ARB2A: variants seen among roughly 807,000 people sequenced by gnomAD.
ARB2A encodes the protein ARB2 cotranscriptional regulator A.
the ARB2A span, among the ~76,000 whole-genome samples, chr5:93,621,414 T>C: frequency 6.6e-6 from 1 of 152,158 alleles, no homozygotes; most frequent in East Asian, 1.9e-4. Context: ...CGTCTAGGCG[T>C]CTCCGGCCTC....
chr5:93,932,271 AT>A, the ARB2A span, among the ~76,000 whole-genome samples: 22 of 152,208 alleles, frequency 1.4e-4, no homozygotes, highest in African/African-American at 5.3e-4. Context: ...ACTAAAAAAC[AT>A]TTTTTTCCCT....
the ARB2A span, among the ~76,000 whole-genome samples, chr5:93,885,146 C>A: frequency 6.6e-6 from 1 of 151,526 alleles, no homozygotes; most frequent in Non-Finnish European, 1.5e-5. Flanking sequence ...AAAAGTGATT[C>A]TTTCCATTCC....
chr5:93,880,360 CA>C, the ARB2A span, among the ~76,000 whole-genome samples: 2 of 151,468 alleles, frequency 1.3e-5, no homozygotes, highest in African/African-American at 2.4e-5. Flanking sequence ...GTGATTATGC[CA>C]TGAACTAGAA....
chr5:93,962,512 A>T, the ARB2A span, among the ~76,000 whole-genome samples: 1 of 152,134 alleles, frequency 6.6e-6, no homozygotes, highest in East Asian at 1.9e-4. Flanking sequence ...AAATAGTTTC[A>T]ACTATAAAAC....
At chr5:94,089,147 C>A in the ARB2A span, among the ~76,000 whole-genome samples, 16,392 of 152,188 alleles carry the variant, frequency 0.11, 998 homozygotes, top group Middle Eastern at 0.16. Flanking sequence ...TTGTCTGAAC[C>A]AAACATTTTG....
At chr5:94,100,739 A>G in the ARB2A span, among the ~76,000 whole-genome samples, 1 of 152,338 alleles carries the variant, frequency 6.6e-6, no homozygotes, top group South Asian at 2.1e-4. Flanking sequence ...AGCCATATGC[A>G]GAAGACTGAA....
the ARB2A span, among the ~76,000 whole-genome samples, chr5:93,747,405 C>T: frequency 3.3e-5 from 5 of 151,696 alleles, no homozygotes; most frequent in Admixed American, 3.3e-4. Flanking sequence ...TGTTTTTTTT[C>T]TGAAAAATGA....
At chr5:93,950,300 C>T in the ARB2A span, among the ~76,000 whole-genome samples, 173 of 152,230 alleles carry the variant, frequency 1.1e-3, no homozygotes, top group African/African-American at 3.9e-3. Flanking sequence ...AAACTGTTCT[C>T]CATAGTCATT....
the ARB2A span, among the ~76,000 whole-genome samples, chr5:93,730,360 A>C: frequency 6.6e-6 from 1 of 152,012 alleles, no homozygotes; most frequent in African/African-American, 2.4e-5. Context: ...CTGTATGGGG[A>C]GTCTTTTTTT....
chr5:93,711,809 T>C, the ARB2A span, among the ~76,000 whole-genome samples: 1 of 152,212 alleles, frequency 6.6e-6, no homozygotes, highest in Admixed American at 6.5e-5. Flanking sequence ...TGATTTACAG[T>C]AGAAGGACAG....
At chr5:93,622,651 A>T in the ARB2A span, among the ~76,000 whole-genome samples, 1 of 152,192 alleles carries the variant, frequency 6.6e-6, no homozygotes. Flanking sequence ...GACTGGCCTC[A>T]TGAACTTGAA....
the ARB2A span, among the ~76,000 whole-genome samples, chr5:93,802,444 A>C: frequency 3.3e-5 from 5 of 152,092 alleles, no homozygotes; most frequent in African/African-American, 1.2e-4. Context: ...GCATCTAATA[A>C]AAAGCAAATT....
the ARB2A span, among the ~76,000 whole-genome samples, chr5:93,852,919 G>A: frequency 6.6e-6 from 1 of 152,134 alleles, no homozygotes; most frequent in African/African-American, 2.4e-5. Context: ...TTTGGCTTAG[G>A]ACTGACTTGG....
the ARB2A span, among the ~76,000 whole-genome samples, chr5:94,082,698 A>AT: frequency 1.2e-3 from 176 of 146,734 alleles, 1 homozygote; most frequent in African/African-American, 2.1e-3. Context: ...TTCAGAATAG[A>AT]TTTTTTTTTT....
the ARB2A span, among the ~76,000 whole-genome samples, chr5:93,831,257 C>T: frequency 7.1e-6 from 1 of 140,148 alleles, no homozygotes; most frequent in Non-Finnish European, 1.5e-5. Context: ...GTTGCCAGAT[C>T]AATCTTTTTG....
the ARB2A span, chr5:93,776,275 T>C: frequency 2.3e-5 from 36 of 1,557,008 alleles, no homozygotes; most frequent in Non-Finnish European, 3.0e-5. Context: ...ATTGTTGAAA[T>C]ACAATTTAAG....
the ARB2A span, chr5:93,620,824 C>T: frequency 4.4e-6 from 4 of 899,664 alleles, no homozygotes; most frequent in African/African-American, 5.2e-5. Context: ...CAGTTGCACT[C>T]ATCTAGAAAT....
At chr5:93,655,637 GT>G in the ARB2A span, among the ~76,000 whole-genome samples, 6 of 152,052 alleles carry the variant, frequency 3.9e-5, no homozygotes, top group Admixed American at 2.0e-4. Flanking sequence ...GGATTAGTGT[GT>G]TTTTTGTCAA....
the ARB2A span, among the ~76,000 whole-genome samples, chr5:93,773,490 G>A: frequency 2.0e-5 from 3 of 152,190 alleles, no homozygotes; most frequent in Admixed American, 6.5e-5. Context: ...CAGGCAGGAC[G>A]CTAATGGCCC....
Sources: allele counts gnomAD v4.1 joint callset (sites outside exome capture counted in the v4.1 genomes callset), GRCh38; gene constraint gnomAD v4.1.1; transcripts MANE v1.5; gene names NCBI Gene and HGNC (gene_info 2026-07-23, HGNC 2026-07-21).